The following TLL1 variants were observed in gnomAD, a reference collection of about 807,000 sequenced individuals.
TLL1 encodes the protein tolloid-like protein 1.
TLL1 carries 49 observed loss-of-function variants against 128.2 expected under a neutral mutation model. The observed-to-expected ratio is 0.38, with a 90% CI of 0.30 to 0.48. The LOEUF (loss-of-function observed/expected upper bound fraction) is 0.48. Among genes scored for constraint, TLL1 ranks in the 20% least tolerant of loss-of-function variants. The pLI is 0.96. For synonymous variants in TLL1, 454 were observed against 418.8 expected, an observed-to-expected ratio of 1.08 and a Z score of -1.03; for missense variants, 1,123 against 1,242.0, an observed-to-expected ratio of 0.90 and a Z score of 1.44.
intron 1 of TLL1, among the ~76,000 whole-genome samples, chr4:165,945,201 A>C (rs28429291): frequency 0.033 from 4,983 of 152,196 alleles, 261 homozygotes; most frequent in African/African-American, 0.11. Flanking sequence ...AAACATTACT[A>C]ATCTTGGCAA....
At chr4:165,968,511 G>A (rs1484164530) in intron 1 of TLL1, among the ~76,000 whole-genome samples, 1 of 152,094 alleles carries the variant, frequency 6.6e-6, no homozygotes, top group East Asian at 1.9e-4. Context: ...TATAGAGTAA[G>A]GTTATCTGTT....
chr4:165,991,641 G>C (rs1281173286), intron 2 of TLL1, among the ~76,000 whole-genome samples: 3 of 151,498 alleles, frequency 2.0e-5, no homozygotes, highest in African/African-American at 7.3e-5. Context: ...CCCTTAAGAG[G>C]CTTATATAGC....
chr4:165,907,147 G>T (rs564720037), intron 1 of TLL1, among the ~76,000 whole-genome samples: 2 of 152,252 alleles, frequency 1.3e-5, no homozygotes, highest in South Asian at 4.1e-4. Flanking sequence ...TTTTGTGTTT[G>T]TCCTCATGAA....
chr4:165,904,619 C>A (rs1732163828), intron 1 of TLL1, among the ~76,000 whole-genome samples: 1 of 152,168 alleles, frequency 6.6e-6, no homozygotes, highest in Non-Finnish European at 1.5e-5. Context: ...TATCTATCAG[C>A]TAATTAATTC....
At chr4:165,932,740 G>T (rs2110908859) in intron 1 of TLL1, among the ~76,000 whole-genome samples, 1 of 151,714 alleles carries the variant, frequency 6.6e-6, no homozygotes, top group East Asian at 1.9e-4. Context: ...AAAGTCAGTT[G>T]CATTCCTTGT....
chr4:165,978,652 CT>C (rs1234996592), intron 1 of TLL1, among the ~76,000 whole-genome samples: 1 of 152,108 alleles, frequency 6.6e-6, no homozygotes, highest in African/African-American at 2.4e-5. Context: ...TTCCAAAGAA[CT>C]TCGGATGGTT....
intron 16 of TLL1, among the ~76,000 whole-genome samples, chr4:166,066,912 T>G (rs189970933): frequency 6.6e-6 from 1 of 151,958 alleles, no homozygotes; most frequent in African/African-American, 2.4e-5. Flanking sequence ...AATAAGACTT[T>G]TTAAGACTTC....
chr4:165,880,084 C>A (rs752618369), intron 1 of TLL1, among the ~76,000 whole-genome samples: 15 of 152,028 alleles, frequency 9.9e-5, no homozygotes, highest in Non-Finnish European at 1.6e-4. Flanking sequence ...AAATATATAA[C>A]CTCAAAGCTA....
intron 1 of TLL1, among the ~76,000 whole-genome samples, chr4:165,977,021 C>T (rs552795041): frequency 4.7e-4 from 72 of 152,136 alleles, no homozygotes; most frequent in Non-Finnish European, 8.4e-4. Flanking sequence ...AGATTGGATA[C>T]CCCTGAATGA....
chr4:165,968,221 A>G (rs1421055796), intron 1 of TLL1, among the ~76,000 whole-genome samples: 1 of 152,178 alleles, frequency 6.6e-6, no homozygotes, highest in African/African-American at 2.4e-5. Flanking sequence ...CTTTTACAAC[A>G]TAGCATTTCT....
rs1739945965 is a variant in TLL1 at position 166,055,183 on chromosome 4, C to T, written c.1632C>T (p.Asp544=). The T allele has an allele frequency of 3.7e-6, 6 of 1,613,652 alleles. No homozygotes were observed. In the East Asian group the frequency reaches 1.3e-4, roughly 36 times the overall value. Residue 544 remains aspartate, a synonymous_variant, in exon 13 of 21, where the codon GAC becomes GAT. Coordinates refer to ENST00000061240, the MANE Select transcript of TLL1 (RefSeq NM_012464.5). The stretch of plus-strand genomic sequence containing the variant: ...TCTGTGGTTATGACAAACCTGAAGA[C>T]ATAAGATCTACCTCCAATACTTTGT... ...GRFCGYDKPE[D]IRSTSNTLWM... is the part of the protein sequence containing the mutation.
intron 9 of TLL1, among the ~76,000 whole-genome samples, chr4:166,025,943 A>AGG: frequency 6.6e-6 from 1 of 152,170 alleles, no homozygotes; most frequent in Non-Finnish European, 1.5e-5. Context: ...AGCCTAGACG[A>AGG]CCATATGAAG....
At chr4:166,031,883 T>C (rs2111080009) in intron 9 of TLL1, among the ~76,000 whole-genome samples, 1 of 152,244 alleles carries the variant, frequency 6.6e-6, no homozygotes, top group African/African-American at 2.4e-5. Context: ...CTAGTATTTC[T>C]TGAGTGCCTA....
intron 1 of TLL1, among the ~76,000 whole-genome samples, chr4:165,948,576 T>G (rs1412716091): frequency 6.6e-6 from 1 of 152,102 alleles, no homozygotes; most frequent in East Asian, 1.9e-4. Flanking sequence ...TGATGGAGAC[T>G]CTGCAGAGTC....
chr4:166,087,974 A>G (rs924068117), intron 18 of TLL1, among the ~76,000 whole-genome samples: 1 of 152,152 alleles, frequency 6.6e-6, no homozygotes, highest in African/African-American at 2.4e-5. Context: ...TCTAAAACCC[A>G]GATTAGTAAC....
intron 6 of TLL1, among the ~76,000 whole-genome samples, chr4:166,005,822 T>C (rs2111037868): frequency 6.6e-6 from 1 of 152,012 alleles, no homozygotes; most frequent in South Asian, 2.1e-4. Flanking sequence ...AGGATCCTGT[T>C]TCAATATAAA....
chr4:166,103,504 T>C lies in TLL1; in HGVS notation c.*2628T>C, dbSNP rs1460005752. 6.6e-6 allele frequency: 1 copy of C among 151,834 alleles called. No individual in the cohort carries two copies. The highest frequency in any genetic ancestry group is 2.4e-5 in the African/African-American group (1 of 41,408). 9.4% of individuals were successfully genotyped at this position (151,834 alleles called of 1,614,324 possible). ...ATTCTGGATATTCTGATTGACATCT[T>C]ATTAGGCCATAGTGAGCTATGCTCT... On this transcript the variant is annotated 3_prime_UTR_variant, in exon 21 of 21. Coordinates refer to ENST00000061240, the MANE Select transcript of TLL1 (RefSeq NM_012464.5).
chr4:165,899,008 A>G (rs1412808276), intron 1 of TLL1, among the ~76,000 whole-genome samples: 1 of 151,998 alleles, frequency 6.6e-6, no homozygotes, highest in Non-Finnish European at 1.5e-5. Context: ...TTTATAGTTT[A>G]TTTGCATAGA....
intron 1 of TLL1, among the ~76,000 whole-genome samples, chr4:165,920,910 C>G (rs1271481960): frequency 1.3e-5 from 2 of 152,108 alleles, no homozygotes; most frequent in Admixed American, 6.5e-5. Flanking sequence ...TGGCTTAGAT[C>G]CAACTTAGAT....
Sources: allele counts gnomAD v4.1 joint callset (sites outside exome capture counted in the v4.1 genomes callset), GRCh38; gene constraint gnomAD v4.1.1; transcripts MANE v1.5; gene names NCBI Gene and HGNC (gene_info 2026-07-23, HGNC 2026-07-21).